The following DNER variants were observed in gnomAD, a reference collection of about 807,000 sequenced individuals.
DNER encodes the protein delta/notch like EGF repeat containing, also known as delta and Notch-like epidermal growth factor-related receptor.
In DNER, 33 loss-of-function variants were observed where a neutral mutation model predicts 78.2. The observed-to-expected ratio is 0.42, with a 90% CI of 0.32 to 0.56. DNER has a LOEUF of 0.56. Among genes scored for constraint, DNER ranks in the 20% least tolerant of loss-of-function variants. The pLI is 0.11. For synonymous variants in DNER, 417 were observed against 384.8 expected (o/e 1.08, Z -0.98); for missense variants, 918 against 975.3 (o/e 0.94, Z 0.78).
At position 229,505,674 on chromosome 2, in the gene DNER, T is replaced by A. The variant is rs1318361215; in HGVS notation, c.1147+7109A>T. 4.6e-5 allele frequency among the ~76,000 whole-genome samples: 7 copies of A among 152,314 alleles called. No individual in the cohort carries two copies. In the East Asian group the frequency reaches 1.4e-3, roughly 29 times the overall value. On this transcript the variant is annotated intron_variant, in intron 6 of 12. Transcript: ENST00000341772. ...AAATTATATTAAACAAGAAAGACCT[T>A]TCACATGGAGGGATTTTTCTCACAC...
chr2:229,473,267 C>T (rs927327124), intron 7 of DNER, among the ~76,000 whole-genome samples: 1 of 152,180 alleles, frequency 6.6e-6, no homozygotes, highest in Non-Finnish European at 1.5e-5. Flanking sequence ...ACAGCAGAGA[C>T]ATTTAGAAGT....
chr2:229,493,679 G>A (rs12467233), intron 6 of DNER, among the ~76,000 whole-genome samples: 5 of 152,046 alleles, frequency 3.3e-5, no homozygotes, highest in African/African-American at 4.8e-5. Flanking sequence ...ATTCATTCAG[G>A]AAGTCCTTAT....
At chr2:229,480,305 A>C (rs1312813920) in intron 6 of DNER, among the ~76,000 whole-genome samples, 1 of 152,168 alleles carries the variant, frequency 6.6e-6, no homozygotes, top group African/African-American at 2.4e-5. Flanking sequence ...TTTGAATCAA[A>C]TTTCATTTCA....
chr2:229,436,989 A>G (rs1004178743), intron 8 of DNER, among the ~76,000 whole-genome samples: 11 of 152,248 alleles, frequency 7.2e-5, no homozygotes, highest in Non-Finnish European at 1.5e-4. Context: ...CCCAATTAAA[A>G]GGCACAGAGT....
chr2:229,381,212 CTG>C (rs1429307874), intron 11 of DNER, among the ~76,000 whole-genome samples: 2 of 152,052 alleles, frequency 1.3e-5, no homozygotes, highest in Non-Finnish European at 2.9e-5. Context: ...CCATGAGGGA[CTG>C]TGTCGTGAGG....
intron 1 of DNER, among the ~76,000 whole-genome samples, chr2:229,600,974 A>C (rs1461631471): frequency 6.6e-6 from 1 of 152,208 alleles, no homozygotes; most frequent in Admixed American, 6.5e-5. Flanking sequence ...AATTAGAATG[A>C]ACAATTGCCA....
chr2:229,547,109 C>T lies in DNER; in HGVS notation c.848-17G>A, dbSNP rs1696643923. On this transcript the variant is annotated splice_polypyrimidine_tract_variant and intron_variant, in intron 4 of 12. Transcript: ENST00000341772. The stretch of plus-strand genomic sequence containing the variant: ...TCACAAAACCTAAAAGAAAATGAGG[C>T]AAAAGGAAATTGTCAAGTGTCTCCT... 6.2e-7 allele frequency: 1 copy of T among 1,613,224 alleles called. No homozygotes were observed. Among genetic ancestry groups the T allele is most frequent in the Admixed American group, 1.7e-5 (1 of 59,946 alleles).
intron 1 of DNER, among the ~76,000 whole-genome samples, chr2:229,687,844 C>A (rs1699511808): frequency 6.6e-6 from 1 of 152,210 alleles, no homozygotes; most frequent in Non-Finnish European, 1.5e-5. Context: ...ACTGGCACTG[C>A]TTTGGGTCAT....
intron 8 of DNER, among the ~76,000 whole-genome samples, chr2:229,436,262 A>G (rs558239709): frequency 3.3e-5 from 5 of 152,214 alleles, no homozygotes; most frequent in African/African-American, 4.8e-5. Flanking sequence ...CATACATGTT[A>G]CTGCAAAAGA....
chr2:229,585,029 G>A (rs1392327593), intron 4 of DNER, among the ~76,000 whole-genome samples: 1 of 152,126 alleles, frequency 6.6e-6, no homozygotes, highest in African/African-American at 2.4e-5. Context: ...CAGGAGGGGT[G>A]GTTATGGAGG....
At chr2:229,521,241 A>G (rs1386441831) in intron 5 of DNER, among the ~76,000 whole-genome samples, 1 of 152,230 alleles carries the variant, frequency 6.6e-6, no homozygotes, top group East Asian at 1.9e-4. Flanking sequence ...GGCTTTCTGC[A>G]GCCACTTTTA....
chr2:229,394,781 G>T (rs1441489011), intron 10 of DNER, among the ~76,000 whole-genome samples: 1 of 152,238 alleles, frequency 6.6e-6, no homozygotes, highest in Non-Finnish European at 1.5e-5. Flanking sequence ...AAAATGGCTT[G>T]AGGGGGAATT....
chr2:229,711,080 C>G (rs1052777373), intron 1 of DNER, among the ~76,000 whole-genome samples: 6 of 151,572 alleles, frequency 4.0e-5, no homozygotes, highest in Non-Finnish European at 7.4e-5. Flanking sequence ...CAGGCAGCTC[C>G]CAAATGGGTT....
At chr2:229,448,953 A>G (rs1008803003) in intron 7 of DNER, among the ~76,000 whole-genome samples, 1 of 152,206 alleles carries the variant, frequency 6.6e-6, no homozygotes, top group Non-Finnish European at 1.5e-5. Flanking sequence ...TAATATGTAA[A>G]CAAACCAAAA....
intron 5 of DNER, among the ~76,000 whole-genome samples, chr2:229,520,064 C>T (rs1696063967): frequency 6.6e-6 from 1 of 152,166 alleles, no homozygotes. Context: ...TCAGGCAATT[C>T]TTCGCCAGAA....
chr2:229,391,191 T>G (rs1693008394), intron 10 of DNER, among the ~76,000 whole-genome samples: 1 of 152,222 alleles, frequency 6.6e-6, no homozygotes, highest in African/African-American at 2.4e-5. Flanking sequence ...TTGGCTTCAT[T>G]TACGTTTCCC....
chr2:229,570,810 C>G (rs911998509), intron 4 of DNER, among the ~76,000 whole-genome samples: 8 of 151,770 alleles, frequency 5.3e-5, no homozygotes, highest in Admixed American at 3.3e-4. Flanking sequence ...CAGATGAGGG[C>G]GTGGCCAGTG....
chr2:229,664,341 G>A (rs1191731083), intron 1 of DNER, among the ~76,000 whole-genome samples: 3 of 152,140 alleles, frequency 2.0e-5, no homozygotes, highest in African/African-American at 7.2e-5. Context: ...ACCATCCAGG[G>A]CATCAAGAAT....
intron 7 of DNER, among the ~76,000 whole-genome samples, chr2:229,470,132 G>T (rs1438497058): frequency 6.6e-6 from 1 of 152,182 alleles, no homozygotes; most frequent in Non-Finnish European, 1.5e-5. Flanking sequence ...AAACTAAAAT[G>T]TTGTAAGAAT....
Sources: gnomAD v4.1 joint callset for allele counts (sites outside exome capture counted in the v4.1 genomes callset) on GRCh38, gnomAD v4.1.1 for gene constraint, MANE v1.5 for transcripts, NCBI Gene and HGNC (gene_info 2026-07-23, HGNC 2026-07-21) for gene names.